GAMT: variants seen among roughly 807,000 people sequenced by gnomAD.
The protein encoded by GAMT is epididymis secretory protein Li 20.
In GAMT, 26 loss-of-function variants were observed where a neutral mutation model predicts 26.9. The observed-to-expected ratio is 0.97, with a 90% CI of 0.71 to 1.34. GAMT has a LOEUF of 1.34. Ranked by LOEUF, GAMT falls within the 40% of genes most tolerant of loss-of-function variation. The probability of loss-of-function intolerance (pLI) is 0.00; values close to 1 mark genes in which losing one functional copy is unlikely to be tolerated. For missense variants in GAMT, 412 were observed against 345.0 expected (o/e 1.19, Z -1.54); for synonymous variants, 169 against 149.6 (o/e 1.13, Z -0.95).
rs200679529 is a variant in GAMT, at chr19:1,397,470, G to A, written c.600C>T (p.Ala200=). The A allele has an allele frequency of 1.7e-5, 28 of 1,607,840 alleles. No homozygotes were observed. Among genetic ancestry groups the A allele is most frequent in the Middle Eastern group, 1.6e-4 (1 of 6,082 alleles). ...EETQVPALLE[A]GFRRENIRTE... Reference sequence around the variant, plus strand: ...TACGGATGTTCTCCCTCCGGAAGCCGGCCTCCAGCAGCGCGGGCACCTGCG... The same window carrying A: ...TACGGATGTTCTCCCTCCGGAAGCCAGCCTCCAGCAGCGCGGGCACCTGCG... The change falls in exon 6 of 6, where the codon GCC becomes GCT. Residue 200 remains alanine (A), a synonymous_variant. Coordinates refer to ENST00000252288, the MANE Select transcript of GAMT (RefSeq NM_000156.6).
rs1292493673 is a variant in GAMT at position 1,397,036 on chromosome 19, C to A, written c.*323G>T. On this transcript the variant is annotated 3_prime_UTR_variant, in exon 6 of 6. Transcript: ENST00000252288. ...GGGAGTCACCCACTTTTCCTGTGTC[C>A]ATGGGATGGGCGGGAGGTGAGGGAG... is the stretch of plus-strand genomic sequence containing the variant. 2.8e-6 allele frequency: 1 copy of A among 352,044 alleles called. No individual in the cohort carries two copies. The highest frequency in any genetic ancestry group is 5.4e-6 in the Non-Finnish European group (1 of 185,180). 21.8% of individuals were successfully genotyped at this position (352,044 alleles called of 1,614,324 possible).
At chr19:1,400,813 A>G (rs1802959464) in intron 1 of GAMT, among the ~76,000 whole-genome samples, 1 of 152,098 alleles carries the variant, frequency 6.6e-6, no homozygotes, top group Non-Finnish European at 1.5e-5. Context: ...CTTTCTTAGC[A>G]GCCCTTAGCG....
intron 1 of GAMT, among the ~76,000 whole-genome samples, chr19:1,400,690 A>C (rs562044497): frequency 6.6e-6 from 1 of 152,290 alleles, no homozygotes; most frequent in East Asian, 1.9e-4. Context: ...AGTGGGCCAC[A>C]CATGGGCCCC....
At position 1,399,236 on chromosome 19, in the gene GAMT, C is replaced by T; in HGVS notation, c.392-41G>A. On this transcript the variant is annotated intron_variant, in intron 3 of 5. Coordinates refer to ENST00000252288, the MANE Select transcript of GAMT (RefSeq NM_000156.6). The surrounding 1 kb of genome is among the most constrained non-coding windows in gnomAD (Gnocchi z 6.2). ...AAGCCCACGCGGTCAGGGCCGGGCT[C>T]AGCGCCTCACCCAGCCTCACCCGGC... 1 of 1,603,928 alleles carries T rather than the reference C, an allele frequency of 6.2e-7. No individual in the cohort carries two copies. Among genetic ancestry groups the T allele is most frequent in the Non-Finnish European group, 8.5e-7 (1 of 1,171,722 alleles).
chr19:1,401,067 C>T (rs570935013), intron 1 of GAMT, among the ~76,000 whole-genome samples: 273 of 152,318 alleles, frequency 1.8e-3, no homozygotes, highest in African/African-American at 6.3e-3. Context: ...CTCACTCCCC[C>T]TGGAGAGGAA....
At position 1,397,332 on chromosome 19, in the gene GAMT, T is replaced by G. The variant is rs1308848857; in HGVS notation, c.*27A>C. ...GGCCAGGAAGGCACGGAGGAGGGCA[T>G]GGGTGTGGCCGGGCCGGGGTGGGGG... On this transcript the variant is annotated 3_prime_UTR_variant, in exon 6 of 6. Coordinates refer to ENST00000252288, the MANE Select transcript of GAMT (RefSeq NM_000156.6). The G allele has an allele frequency of 6.3e-7, 1 of 1,598,550 alleles. No individual in the cohort carries two copies. Among genetic ancestry groups the G allele is most frequent in the South Asian group, 1.1e-5 (1 of 89,794 alleles).
rs659455 is a variant in GAMT, at chr19:1,397,213, T to A, written c.*146A>T. On this transcript the variant is annotated 3_prime_UTR_variant, in exon 6 of 6. Transcript: ENST00000252288. ...GGTGACACACAGCTGGGATCAGCCCTGGGCTGGTGGGACCCCTCACAGAGA... is the reference window on the plus strand; with the variant it reads ...GGTGACACACAGCTGGGATCAGCCCAGGGCTGGTGGGACCCCTCACAGAGA... 1.1e-6 allele frequency: 1 copy of A among 943,474 alleles called. No individual in the cohort carries two copies. Among genetic ancestry groups the A allele is most frequent in the Non-Finnish European group, 1.6e-6 (1 of 627,976 alleles). The allele number at this position is 943,474 out of a possible 1,614,324, so 58.4% of individuals were successfully genotyped here.
chr19:1,398,777 A>G, intron 5 of GAMT, 139 bp downstream of exon 5: 1 of 1,550,996 alleles, frequency 6.4e-7, no homozygotes, highest in Non-Finnish European at 8.7e-7. Flanking sequence ...TTGATTTCTA[A>G]ATGAACCAGC....
chr19:1,399,176 G>A lies in GAMT; in HGVS notation c.411C>T (p.Tyr137=). The A allele has an allele frequency of 6.2e-7, 1 of 1,613,678 alleles. No individual in the cohort carries two copies. The highest frequency in any genetic ancestry group is 8.5e-7 in the Non-Finnish European group (1 of 1,180,016). The change falls in exon 4 of 6, where the codon TAC becomes TAT. Residue 137 remains tyrosine, a synonymous_variant. Coordinates refer to ENST00000252288, the MANE Select transcript of GAMT (RefSeq NM_000156.6). This position sits in a 1 kb window ranked among gnomAD's most constrained non-coding sequence, Gnocchi z 6.2. The part of the protein sequence containing the change: ...GHFDGILYDT[Y]PLSEETWHTH... Reference sequence around the variant, plus strand: ...TGTGCCAGGTCTCCTCCGAGAGTGGGTACGTGTCGTACAGGATCCCTGCAC... The same window carrying A: ...TGTGCCAGGTCTCCTCCGAGAGTGGATACGTGTCGTACAGGATCCCTGCAC...
chr19:1,398,166 C>T (rs768904900), intron 5 of GAMT: 115 of 824,100 alleles, frequency 1.4e-4, no homozygotes, highest in African/African-American at 8.4e-4. Flanking sequence ...GGTGCAATCT[C>T]GGCTCACAGC....
chr19:1,399,887 A>T lies in GAMT; in HGVS notation c.233T>A (p.Val78Glu). 1.2e-6 allele frequency: 2 copies of T among 1,608,178 alleles called. No homozygotes were observed. Among genetic ancestry groups the T allele is most frequent in the Non-Finnish European group, 1.7e-6 (2 of 1,178,172 alleles). Residue 78 changes from valine (V) to glutamate (E), a missense_variant, in exon 2 of 6, where the codon GTG becomes GAG. Val to Glu is a moderately radical substitution (Grantham distance 121). Transcript: ENST00000252288. This position sits in a 1 kb window ranked among gnomAD's most constrained non-coding sequence, Gnocchi z 6.2. ...GFGMAIAASKVQEAPIDEHWI... is the reference protein window; with the variant it reads ...GFGMAIAASKEQEAPIDEHWI... ...ATGCTCATCAATGGGCGCCTCCTGC[A>T]CCTTTGACGCTGCGATGGCCATGCC...
Position 1,399,166 on chromosome 19 carries a change from C to T in GAMT, c.421G>A (p.Glu141Lys), listed in dbSNP as rs1407291773. ...AACTGGTGTGTGTGCCAGGTCTCCT[C>T]CGAGAGTGGGTACGTGTCGTACAGG... Reference protein sequence around the residue: ...GILYDTYPLSEETWHTHQFNF... With the variant: ...GILYDTYPLSKETWHTHQFNF... The change falls in exon 4 of 6, where the codon GAG becomes AAG. Residue 141 changes from glutamate to lysine, a missense_variant. Transcript: ENST00000252288. This position sits in a 1 kb window ranked among gnomAD's most constrained non-coding sequence, Gnocchi z 6.2. The T allele has an allele frequency of 1.2e-6, 2 of 1,613,658 alleles. No individual in the cohort carries two copies. Among genetic ancestry groups the T allele is most frequent in the African/African-American group, 1.3e-5 (1 of 74,926 alleles).
At position 1,399,115 on chromosome 19, in the gene GAMT, C is replaced by A; in HGVS notation, c.459+13G>T. On this transcript the variant is annotated intron_variant, in intron 4 of 5. Transcript: ENST00000252288. The surrounding 1 kb of genome is among the most constrained non-coding windows in gnomAD (Gnocchi z 6.2). ...GAGGGCCTCCCGCATCCCAGCAAGT[C>A]AGAGAGAACCACCTTGATGAAGTTG... The A allele has an allele frequency of 6.2e-7, 1 of 1,613,672 alleles. No homozygotes were observed. Among genetic ancestry groups the A allele is most frequent in the East Asian group, 2.2e-5 (1 of 44,888 alleles).
At position 1,399,191 on chromosome 19, in the gene GAMT, G is replaced by A; in HGVS notation, c.396C>T (p.Ile132=). 1 of 1,613,586 alleles carries A rather than the reference G, an allele frequency of 6.2e-7. No individual in the cohort carries two copies. The highest frequency in any genetic ancestry group is 8.5e-7 in the Non-Finnish European group (1 of 1,180,006). ...CCGAGAGTGGGTACGTGTCGTACAGGATCCCTGCACGGAGAACAGAAGCCC... is the reference window on the plus strand; with the variant it reads ...CCGAGAGTGGGTACGTGTCGTACAGAATCCCTGCACGGAGAACAGAAGCCC... ...PTLPDGHFDG[I]LYDTYPLSEE... is the part of the protein sequence containing the mutation. The change falls in exon 4 of 6, where the codon ATC becomes ATT. Residue 132 remains isoleucine, a synonymous_variant. Transcript: ENST00000252288. The surrounding 1 kb of genome is among the most constrained non-coding windows in gnomAD (Gnocchi z 6.2).
chr19:1,397,795 G>T (rs1600157441), intron 5 of GAMT: 3 of 1,306,288 alleles, frequency 2.3e-6, no homozygotes, highest in East Asian at 6.6e-5. Context: ...TGGAGCCAAA[G>T]AATCACACCA....
rs80338733 is a variant in GAMT at position 1,399,149 on chromosome 19, T to C, written c.438A>G (p.Thr146=). The C allele has an allele frequency of 2.3e-5, 37 of 1,613,630 alleles. No homozygotes were observed. The highest frequency in any genetic ancestry group is 3.3e-5 in the Admixed American group (2 of 60,006). ...CCACCTTGATGAAGTTGAACTGGTG[T>C]GTGTGCCAGGTCTCCTCCGAGAGTG... ...TYPLSEETWH[T]HQFNFIKNHA... is the part of the protein sequence containing the mutation. Residue 146 remains threonine, a synonymous_variant, in exon 4 of 6, where the codon ACA becomes ACG. Transcript: ENST00000252288. This position sits in a 1 kb window ranked among gnomAD's most constrained non-coding sequence, Gnocchi z 6.2.
chr19:1,397,892 G>A, intron 5 of GAMT: 5 of 1,144,514 alleles, frequency 4.4e-6, no homozygotes, highest in Non-Finnish European at 5.4e-6. Context: ...CACAACAGCA[G>A]CCCAGGGCAA....
chr19:1,397,593 A>C lies in GAMT; in HGVS notation c.571-94T>G, dbSNP rs1171138634. 3.2e-6 allele frequency: 5 copies of C among 1,558,802 alleles called. No homozygotes were observed. In the African/African-American group the frequency reaches 5.4e-5, roughly 17 times the overall value. ...TCATTGAAGAGTGTTTACAGATGGC[A>C]AGGCCCGGGTGGGCGGCTGCAGCTC... On this transcript the variant is annotated intron_variant, in intron 5 of 5. Coordinates refer to ENST00000252288, the MANE Select transcript of GAMT (RefSeq NM_000156.6).
chr19:1,399,992 G>A lies in GAMT; in HGVS notation c.182-54C>T. ...CTAGGTGGGGCGGGCTTAGGAGGCT[G>A]CCTGGAGGAGGGGCACAGGGCAGGG... On this transcript the variant is annotated intron_variant, in intron 1 of 5. Coordinates refer to ENST00000252288, the MANE Select transcript of GAMT (RefSeq NM_000156.6). This position sits in a 1 kb window ranked among gnomAD's most constrained non-coding sequence, Gnocchi z 6.2. 1 of 1,563,308 alleles carries A rather than the reference G, an allele frequency of 6.4e-7. No homozygotes were observed. Among genetic ancestry groups the A allele is most frequent in the Non-Finnish European group, 8.6e-7 (1 of 1,159,212 alleles).
Sources: gnomAD v4.1 joint callset for allele counts (sites outside exome capture counted in the v4.1 genomes callset) on GRCh38, gnomAD v4.1.1 for gene constraint, Gnocchi (gnomAD v3.1) non-coding constraint, MANE v1.5 for transcripts, NCBI Gene and HGNC (gene_info 2026-07-23, HGNC 2026-07-21) for gene names.